XRCC4: variants seen among roughly 807,000 people sequenced by gnomAD.
The protein encoded by XRCC4 is DNA repair protein XRCC4.
In XRCC4, 28 loss-of-function variants were observed where a neutral mutation model predicts 39.1. The ratio of observed to expected loss-of-function variants is 0.72; its 90% confidence interval spans 0.53 to 0.98. The LOEUF is 0.98. Among genes scored for constraint, XRCC4 ranks in the 50% least tolerant of loss-of-function variants. The pLI, the probability that XRCC4 is intolerant of heterozygous loss-of-function variation, is 0.00. For synonymous variants in XRCC4, 123 were observed against 126.4 expected (o/e 0.97, Z 0.18); for missense variants, 350 against 376.4 (o/e 0.93, Z 0.58).
intron 7 of XRCC4, among the ~76,000 whole-genome samples, chr5:83,278,100 C>G (rs1043897181): frequency 6.6e-6 from 1 of 152,124 alleles, no homozygotes; most frequent in African/African-American, 2.4e-5. Flanking sequence ...AGTCAAGCTC[C>G]CATCCAGGAG....
At chr5:83,337,599 C>G (rs1031373753) in intron 7 of XRCC4, among the ~76,000 whole-genome samples, 1 of 152,162 alleles carries the variant, frequency 6.6e-6, no homozygotes, top group Admixed American at 6.5e-5. Context: ...TGGCTCTCAG[C>G]CTTGTTTCCA....
intron 6 of XRCC4, among the ~76,000 whole-genome samples, chr5:83,235,231 A>C (rs4703565): frequency 0.06 from 8,957 of 150,136 alleles, 969 homozygotes; most frequent in East Asian, 0.48. Flanking sequence ...GCTACTTGGG[A>C]GTCTAAGGAG....
chr5:83,202,722 A>C (rs369456743), intron 4 of XRCC4, among the ~76,000 whole-genome samples: 132 of 152,310 alleles, frequency 8.7e-4, no homozygotes, highest in African/African-American at 3.1e-3. Flanking sequence ...AATACATAAA[A>C]TAATTTGTAT....
rs535317530 is a variant in XRCC4 at position 83,264,654 on chromosome 5, G to T, written c.893+5977G>T. On this transcript the variant is annotated intron_variant, in intron 7 of 7. Transcript: ENST00000396027. ...GACCACCGTTGAGACCTGGTACTCT[G>T]TGTCGTTGCAGATCCCTCTCTCTTC... 8.5e-5 allele frequency among the ~76,000 whole-genome samples: 13 copies of T among 152,132 alleles called. 1 individual carries two copies. In the South Asian group the frequency reaches 2.5e-3, roughly 29 times the overall value.
At chr5:83,162,009 C>CA (rs1200811657) in intron 3 of XRCC4, among the ~76,000 whole-genome samples, 5 of 151,450 alleles carry the variant, frequency 3.3e-5, no homozygotes, top group African/African-American at 4.9e-5. Context: ...ACTAAAAATA[C>CA]AAAAAAAATT....
intron 7 of XRCC4, among the ~76,000 whole-genome samples, chr5:83,299,492 C>T (rs1755202681): frequency 6.6e-6 from 1 of 152,134 alleles, no homozygotes; most frequent in Non-Finnish European, 1.5e-5. Flanking sequence ...CCTTCTGCCT[C>T]ATTCTCTCTG....
chr5:83,203,401 C>A, intron 4 of XRCC4, 151 bp from the exon 5 acceptor site: 2 of 569,032 alleles, frequency 3.5e-6, no homozygotes, highest in Non-Finnish European at 5.6e-6. Flanking sequence ...GTGTATTTAA[C>A]CATCTTTATA....
chr5:83,266,364 A>T (rs1753954442), intron 7 of XRCC4, among the ~76,000 whole-genome samples: 1 of 151,050 alleles, frequency 6.6e-6, no homozygotes, highest in South Asian at 2.1e-4. Context: ...CGTAGTAAAA[A>T]TTATGAAATA....
intron 6 of XRCC4, among the ~76,000 whole-genome samples, chr5:83,214,060 A>C (rs2731849): frequency 0.66 from 100,367 of 151,964 alleles, 34,065 homozygotes; most frequent in East Asian, 0.96. Flanking sequence ...AACTTCCTTA[A>C]CCTAATAAAG....
intron 7 of XRCC4, among the ~76,000 whole-genome samples, chr5:83,341,313 CAT>C (rs1756751267): frequency 6.6e-6 from 1 of 152,110 alleles, no homozygotes. Flanking sequence ...ATTGTAGACA[CAT>C]GAGCACATAC....
At chr5:83,123,438 C>T (rs978400905) in intron 3 of XRCC4, among the ~76,000 whole-genome samples, 2 of 151,506 alleles carry the variant, frequency 1.3e-5, no homozygotes, top group Non-Finnish European at 2.9e-5. Flanking sequence ...AATTAGATTT[C>T]TTTTAGGAAG....
intron 3 of XRCC4, among the ~76,000 whole-genome samples, chr5:83,191,647 CCG>C (rs1750700853): frequency 6.6e-6 from 1 of 152,122 alleles, no homozygotes; most frequent in Non-Finnish European, 1.5e-5. Flanking sequence ...TTGCAGTGAG[CCG>C]AGATCATGCC....
At chr5:83,187,999 G>A (rs1054006147) in intron 3 of XRCC4, among the ~76,000 whole-genome samples, 1 of 151,980 alleles carries the variant, frequency 6.6e-6, no homozygotes, top group East Asian at 1.9e-4. Flanking sequence ...TGGGATTAAG[G>A]GTGTTTTTTG....
At chr5:83,177,488 G>T (rs1750014610) in intron 3 of XRCC4, among the ~76,000 whole-genome samples, 1 of 149,432 alleles carries the variant, frequency 6.7e-6, no homozygotes, top group African/African-American at 2.5e-5. Flanking sequence ...ATCGAGCTTG[G>T]GTCTTATTAT....
intron 7 of XRCC4, among the ~76,000 whole-genome samples, chr5:83,346,967 C>A (rs564848850): frequency 6.6e-6 from 1 of 151,894 alleles, no homozygotes; most frequent in Non-Finnish European, 1.5e-5. Flanking sequence ...TACCTCTAAG[C>A]GTGATTTCTT....
chr5:83,278,097 C>T (rs547854564), intron 7 of XRCC4, among the ~76,000 whole-genome samples: 1 of 152,294 alleles, frequency 6.6e-6, no homozygotes, highest in Admixed American at 6.5e-5. Flanking sequence ...TGGAGTCAAG[C>T]TCCCATCCAG....
At chr5:83,126,274 A>C (rs539330529) in intron 3 of XRCC4, among the ~76,000 whole-genome samples, 132 of 152,194 alleles carry the variant, frequency 8.7e-4, no homozygotes, top group African/African-American at 3.1e-3. Flanking sequence ...TGGCACTGTT[A>C]TAAGTGGTAT....
intron 7 of XRCC4, among the ~76,000 whole-genome samples, chr5:83,281,243 T>C (rs1360568394): frequency 6.6e-6 from 1 of 152,200 alleles, no homozygotes; most frequent in African/African-American, 2.4e-5. Context: ...ATTTAAGCCC[T>C]TCTTACATAG....
At chr5:83,124,174 TC>T (rs1747147843) in intron 3 of XRCC4, among the ~76,000 whole-genome samples, 1 of 152,140 alleles carries the variant, frequency 6.6e-6, no homozygotes, top group Non-Finnish European at 1.5e-5. Context: ...TGAATTTGGT[TC>T]CACATATGGA....
Sources: allele counts gnomAD v4.1 joint callset (sites outside exome capture counted in the v4.1 genomes callset), GRCh38; gene constraint gnomAD v4.1.1; transcripts MANE v1.5; gene names NCBI Gene and HGNC (gene_info 2026-07-23, HGNC 2026-07-21).